Variants in SH3D19 observed in about 807,000 individuals in gnomAD.
SH3D19 encodes SH3 domain containing 19.
In SH3D19, 58 loss-of-function variants were observed where a neutral mutation model predicts 112.1. The ratio of observed to expected loss-of-function variants is 0.52; its 90% CI spans 0.42 to 0.64. The LOEUF (loss-of-function observed/expected upper bound fraction) is 0.64, where lower values mean the gene tolerates loss of function less well. Among genes scored for constraint, SH3D19 ranks in the 30% least tolerant of loss-of-function variants. SH3D19 has a pLI of 0.00. For missense variants in SH3D19, 1,090 were observed against 1,263.4 expected (o/e 0.86, Z 2.08); for synonymous variants, 391 against 448.5 (o/e 0.87, Z 1.62).
chr4:151,212,638 C>A (rs1306407790), intron 2 of SH3D19, among the ~76,000 whole-genome samples: 1 of 152,198 alleles, frequency 6.6e-6, no homozygotes, highest in East Asian at 1.9e-4. Context: ...ATTGACAATG[C>A]ACCTGGTCAC....
In SH3D19 at chr4:151,270,044, C is replaced by G. The variant is rs1773124466; in HGVS notation, c.113-43958G>C. Reference sequence around the variant, plus strand: ...TACTTCCTGACAGACCTGCCTAAAGCTGTTTTGCAGTTAACTTTTTTTTTT... The same window carrying G: ...TACTTCCTGACAGACCTGCCTAAAGGTGTTTTGCAGTTAACTTTTTTTTTT... On this transcript the variant is annotated intron_variant, in intron 1 of 19. Coordinates refer to ENST00000604030, the MANE Select transcript of SH3D19 (RefSeq NM_001378122.1). Among the ~76,000 whole-genome samples, 4 of 151,820 alleles carry G rather than the reference C, an allele frequency of 2.6e-5. No individual in the cohort carries two copies. The South Asian group carries it at 8.3e-4, about 31-fold the overall frequency.
chr4:151,168,551 C>T (rs1044237331), intron 7 of SH3D19, among the ~76,000 whole-genome samples: 8 of 152,086 alleles, frequency 5.3e-5, no homozygotes, highest in African/African-American at 1.7e-4. Flanking sequence ...CCTCCCACCT[C>T]AGCCTCCTGA....
chr4:151,188,361 A>G (rs1308532896), intron 2 of SH3D19, among the ~76,000 whole-genome samples: 2 of 152,252 alleles, frequency 1.3e-5, no homozygotes, highest in East Asian at 3.8e-4. Flanking sequence ...AGCTACATGA[A>G]AAAAGAATTA....
In SH3D19 at chr4:151,165,772, G is replaced by A. The variant is rs776393993; in HGVS notation, c.1535-76C>T. On this transcript the variant is annotated intron_variant, in intron 7 of 19. Coordinates refer to ENST00000604030, the MANE Select transcript of SH3D19 (RefSeq NM_001378122.1). ...ACAAAAAACCTCATTCATAATTTAA[G>A]AGTCATATTTTTCATGCCCCTGGGG... 3.8e-6 allele frequency: 5 copies of A among 1,312,066 alleles called. No homozygotes were observed. The South Asian group carries it at 4.9e-5, about 13-fold the overall frequency. The allele number at this position is 1,312,066 out of a possible 1,614,324, so 81.3% of individuals were successfully genotyped here.
At position 151,212,622 on chromosome 4, in the gene SH3D19, CT is replaced by C. The variant is rs1255136670; in HGVS notation, c.152+13424del. On this transcript the variant is annotated intron_variant, in intron 2 of 19. Transcript: ENST00000604030. ...AAAAAAGATTCCTTTCAAAATATTA[CT>C]GCTCATTGACAATGCACCTGGTCAC... Among the ~76,000 whole-genome samples, 5 of 152,192 alleles carry C rather than the reference CT, an allele frequency of 3.3e-5. No homozygotes were observed. The East Asian group carries it at 9.6e-4, about 29-fold the overall frequency.
intron 1 of SH3D19, among the ~76,000 whole-genome samples, chr4:151,312,291 A>C (rs1054518117): frequency 1.3e-5 from 2 of 152,236 alleles, no homozygotes; most frequent in Admixed American, 6.5e-5. Flanking sequence ...ATGGAAAAAC[A>C]TAACAGTTCA....
chr4:151,234,532 C>T (rs1047803053), intron 1 of SH3D19, among the ~76,000 whole-genome samples: 1 of 152,114 alleles, frequency 6.6e-6, no homozygotes, highest in Non-Finnish European at 1.5e-5. Context: ...CTGCTCCCTC[C>T]TTAAGCTCCC....
chr4:151,225,179 C>T (rs1212258606), intron 2 of SH3D19, among the ~76,000 whole-genome samples: 1 of 152,122 alleles, frequency 6.6e-6, no homozygotes, highest in African/African-American at 2.4e-5. Flanking sequence ...CTTGAAAAAG[C>T]ACCAGGATTT....
chr4:151,260,284 G>C (rs896520686), intron 1 of SH3D19, among the ~76,000 whole-genome samples: 4 of 152,068 alleles, frequency 2.6e-5, no homozygotes, highest in Non-Finnish European at 4.4e-5. Flanking sequence ...ACTCGCACTT[G>C]CATCTCTAGC....
intron 3 of SH3D19, among the ~76,000 whole-genome samples, chr4:151,180,080 C>T (rs549664741): frequency 3.8e-4 from 58 of 152,202 alleles, no homozygotes; most frequent in African/African-American, 1.3e-3. Context: ...GATGAGGTTT[C>T]GCCATGTTGC....
chr4:151,147,579 A>T (rs1005926124), intron 11 of SH3D19, among the ~76,000 whole-genome samples: 18 of 152,204 alleles, frequency 1.2e-4, no homozygotes, highest in Non-Finnish European at 2.4e-4. Context: ...CTCATGCCTC[A>T]GCCTCCTGAG....
At chr4:151,125,851 A>C (rs1347835963) in intron 19 of SH3D19, among the ~76,000 whole-genome samples, 6 of 151,204 alleles carry the variant, frequency 4.0e-5, no homozygotes, top group African/African-American at 1.5e-4. Context: ...AAAACAAAAA[A>C]AAAAAAAAAA....
chr4:151,128,437 G>GAA, intron 17 of SH3D19, 81 bp from the exon 18 acceptor site: 1 of 1,211,814 alleles, frequency 8.3e-7, no homozygotes, highest in Non-Finnish European at 1.1e-6. Flanking sequence ...AAGTAGTGGG[G>GAA]AAAAAAAAAC....
intron 1 of SH3D19, among the ~76,000 whole-genome samples, chr4:151,312,956 G>T (rs1278871755): frequency 6.6e-6 from 1 of 151,492 alleles, no homozygotes; most frequent in African/African-American, 2.4e-5. Context: ...GGGTGTGGTG[G>T]TGAGTGCCTG....
At chr4:151,164,895 T>A (rs1284643645) in intron 8 of SH3D19, among the ~76,000 whole-genome samples, 1 of 152,210 alleles carries the variant, frequency 6.6e-6, no homozygotes, top group Non-Finnish European at 1.5e-5. Context: ...GAAGTATTTT[T>A]ATAAACTATT....
At chr4:151,241,319 A>T (rs1770539010) in intron 1 of SH3D19, among the ~76,000 whole-genome samples, 1 of 151,842 alleles carries the variant, frequency 6.6e-6, no homozygotes, top group South Asian at 2.1e-4. Flanking sequence ...ATAAATAAGT[A>T]AGCAAGCAAG....
intron 1 of SH3D19, among the ~76,000 whole-genome samples, chr4:151,237,278 G>A (rs990941096): frequency 2.0e-5 from 3 of 152,094 alleles, no homozygotes; most frequent in African/African-American, 4.8e-5. Context: ...CGGACATAAG[G>A]TCACAAACCT....
chr4:151,135,719 G>C (rs1056623693), intron 14 of SH3D19, among the ~76,000 whole-genome samples: 1 of 151,960 alleles, frequency 6.6e-6, no homozygotes, highest in African/African-American at 2.4e-5. Flanking sequence ...GTGAGCTGCC[G>C]CACCCTGCCA....
chr4:151,274,741 G>T (rs542745709), intron 1 of SH3D19, among the ~76,000 whole-genome samples: 1 of 152,250 alleles, frequency 6.6e-6, no homozygotes, highest in African/African-American at 2.4e-5. Context: ...ACATAAGTTT[G>T]CTAGGGCTGC....
Sources: allele counts gnomAD v4.1 joint callset (sites outside exome capture counted in the v4.1 genomes callset), GRCh38; gene constraint gnomAD v4.1.1; transcripts MANE v1.5; gene names NCBI Gene and HGNC (gene_info 2026-07-23, HGNC 2026-07-21).